KLHDC4: variants seen among roughly 807,000 people sequenced by gnomAD.
KLHDC4 encodes the protein kelch domain-containing protein 4.
In KLHDC4, 90 loss-of-function variants were observed where a neutral mutation model predicts 62.4. The ratio of observed to expected loss-of-function variants is 1.44; its 90% CI spans 1.22 to 1.72. KLHDC4 has a LOEUF of 1.72. Ranked by LOEUF, KLHDC4 falls within the 40% of genes most tolerant of loss-of-function variation. The pLI, the probability that KLHDC4 is intolerant of heterozygous loss-of-function variation, is 0.00. For missense variants in KLHDC4, 1,025 were observed against 699.7 expected (o/e 1.47, Z -5.25); for synonymous variants, 386 against 284.4 (o/e 1.36, Z -3.59).
chr16:87,734,828 G>C (rs1035114230), intron 5 of KLHDC4, among the ~76,000 whole-genome samples: 9 of 151,988 alleles, frequency 5.9e-5, no homozygotes, highest in Admixed American at 4.6e-4. Flanking sequence ...GCACCGCAGG[G>C]GACAGCACCA....
At chr16:87,762,440 A>G (rs1394053333) in intron 1 of KLHDC4, among the ~76,000 whole-genome samples, 1 of 151,310 alleles carries the variant, frequency 6.6e-6, no homozygotes, top group African/African-American at 2.4e-5. Context: ...AGACAAGCCC[A>G]TCGTGACTTC....
At chr16:87,733,851 C>A (rs1379836994) in intron 5 of KLHDC4, among the ~76,000 whole-genome samples, 2 of 152,254 alleles carry the variant, frequency 1.3e-5, no homozygotes, top group Non-Finnish European at 2.9e-5. Flanking sequence ...CACCCACTCT[C>A]TGCCTGGCCC....
chr16:87,701,531 CCA>C (rs1176802818), exon 1 of KLHDC4: 2 of 379,200 alleles, frequency 5.3e-6, no homozygotes, highest in African/African-American at 2.1e-5. Flanking sequence ...CGGGCACAGG[CCA>C]CAGTGTGGGC....
intron 8 of KLHDC4, among the ~76,000 whole-genome samples, chr16:87,713,269 G>A (rs1466510613): frequency 6.6e-6 from 1 of 151,674 alleles, no homozygotes; most frequent in African/African-American, 2.4e-5. Context: ...GTGCAATCTC[G>A]GCTCACTGCA....
chr16:87,716,664 C>A (rs999098273), intron 7 of KLHDC4, among the ~76,000 whole-genome samples: 21 of 152,318 alleles, frequency 1.4e-4, no homozygotes, highest in African/African-American at 4.3e-4. Context: ...GGCACGGTGG[C>A]TTACACCTGT....
chr16:87,716,939 A>AG (rs997351039), intron 7 of KLHDC4, among the ~76,000 whole-genome samples: 2 of 144,292 alleles, frequency 1.4e-5, no homozygotes, highest in African/African-American at 4.9e-5. Context: ...CTCAAAAAAA[A>AG]GAAAAGAAAA....
intron 5 of KLHDC4, among the ~76,000 whole-genome samples, chr16:87,739,544 A>G (rs991676796): frequency 6.6e-6 from 1 of 150,572 alleles, no homozygotes; most frequent in Admixed American, 6.6e-5. Flanking sequence ...CCATCCACAC[A>G]CCAGCACCTC....
chr16:87,716,429 C>A (rs2037005103), intron 7 of KLHDC4, among the ~76,000 whole-genome samples: 1 of 152,134 alleles, frequency 6.6e-6, no homozygotes, highest in Admixed American at 6.6e-5. Context: ...TCGGGTTGTT[C>A]AACGACACAC....
At chr16:87,764,847 A>G (rs979128823) in intron 1 of KLHDC4, among the ~76,000 whole-genome samples, 39 of 145,988 alleles carry the variant, frequency 2.7e-4, no homozygotes, top group African/African-American at 8.3e-4. Context: ...AAAAAAAAAA[A>G]AAAGAAAGAG....
chr16:87,750,506 T>G (rs944177084), intron 4 of KLHDC4: 1 of 152,272 alleles, frequency 6.6e-6, no homozygotes, highest in African/African-American at 2.4e-5. Context: ...GGTTCTTTCA[T>G]AAAAGCCTCT....
intron 7 of KLHDC4, among the ~76,000 whole-genome samples, chr16:87,719,573 G>A: frequency 6.6e-6 from 1 of 151,494 alleles, no homozygotes; most frequent in East Asian, 1.9e-4. Flanking sequence ...AGAGACCTTT[G>A]TTCACATGTT....
chr16:87,749,071 G>C (rs2043488282), intron 4 of KLHDC4, among the ~76,000 whole-genome samples: 2 of 151,092 alleles, frequency 1.3e-5, no homozygotes, highest in African/African-American at 2.4e-5. Context: ...TTTACATGTA[G>C]ACAATGCCAT....
chr16:87,753,828 C>T (rs1169690876), intron 4 of KLHDC4, among the ~76,000 whole-genome samples: 2 of 150,694 alleles, frequency 1.3e-5, no homozygotes, highest in Non-Finnish European at 3.0e-5. Flanking sequence ...AAAAAATTAG[C>T]CAAGCGTGGT....
chr16:87,761,904 T>C (rs780104851), intron 2 of KLHDC4, 45 bp downstream of exon 2: 40 of 1,583,070 alleles, frequency 2.5e-5, no homozygotes, highest in Non-Finnish European at 3.4e-5. Context: ...TTTCAATGTA[T>C]AGAAGAAAAG....
At chr16:87,729,862 C>G (rs2040026284) in intron 6 of KLHDC4, among the ~76,000 whole-genome samples, 1 of 152,240 alleles carries the variant, frequency 6.6e-6, no homozygotes, top group Non-Finnish European at 1.5e-5. Context: ...GGCCTCACTC[C>G]AGGCCTCTGA....
At chr16:87,714,373 G>A in intron 8 of KLHDC4, 125 bp downstream of exon 8, 1 of 882,310 alleles carries the variant, frequency 1.1e-6, no homozygotes, top group Non-Finnish European at 1.4e-6. Flanking sequence ...CATCTCGGCA[G>A]GCCCTCCGCT....
At chr16:87,720,933 G>A (rs1173716259) in intron 7 of KLHDC4, among the ~76,000 whole-genome samples, 2 of 152,170 alleles carry the variant, frequency 1.3e-5, no homozygotes, top group African/African-American at 4.8e-5. Flanking sequence ...CCTGGAACCG[G>A]GTCAAGTCCC....
At chr16:87,745,369 C>A (rs2042891951) in intron 5 of KLHDC4, among the ~76,000 whole-genome samples, 1 of 152,204 alleles carries the variant, frequency 6.6e-6, no homozygotes, top group African/African-American at 2.4e-5. Context: ...GCCCCAGGGC[C>A]CGCCCTGTGG....
rs1356298513 is a variant in KLHDC4 at position 87,730,588 on chromosome 16, TG to T, written c.562del (p.Gln188AsnfsTer2). 4 of 1,613,088 alleles carry T rather than the reference TG, an allele frequency of 2.5e-6. No individual in the cohort carries two copies. In the South Asian group the frequency reaches 3.3e-5, roughly 13 times the overall value. On this transcript the variant is annotated frameshift_variant, in exon 6 of 12. Coordinates refer to ENST00000270583, the MANE Select transcript of KLHDC4 (RefSeq NM_017566.4). LOFTEE classifies it high-confidence loss of function. ...ATGGAAGCCACCAAACAGGATCAAT[TG>T]TCTCTTCCAGGCCACCATCCGATGT... ...SGHRMVAWKR[Q>X]LILFGGFHES...
Sources: gnomAD v4.1 joint callset for allele counts (sites outside exome capture counted in the v4.1 genomes callset) on GRCh38, gnomAD v4.1.1 for gene constraint, MANE v1.5 for transcripts, NCBI Gene and HGNC (gene_info 2026-07-23, HGNC 2026-07-21) for gene names.